RMST: variants seen among roughly 807,000 people sequenced by gnomAD.
RMST encodes long intergenic non-protein coding RNA 54.
intron 10 of RMST, among the ~76,000 whole-genome samples, chr12:97,512,378 C>T (rs185938123): frequency 7.2e-4 from 109 of 152,120 alleles, no homozygotes; most frequent in African/African-American, 2.3e-3. Context: ...GGGACCCGAG[C>T]CGGTTAACAC....
intron 10 of RMST, among the ~76,000 whole-genome samples, chr12:97,518,035 CTAA>C (rs1483952478): frequency 6.6e-6 from 1 of 151,970 alleles, no homozygotes; most frequent in African/African-American, 2.4e-5. Context: ...ATTAATTTTT[CTAA>C]TAATTATCCA....
At chr12:97,493,573 A>T (rs1383848546) in intron 7 of RMST, among the ~76,000 whole-genome samples, 1 of 152,284 alleles carries the variant, frequency 6.6e-6, no homozygotes, top group African/African-American at 2.4e-5. Flanking sequence ...AGATCCTGTG[A>T]TTTCCACGTG....
At chr12:97,564,840 A>G (rs1350368620) in exon 14 of RMST, 1 of 152,136 alleles carries the variant, frequency 6.6e-6, no homozygotes, top group Non-Finnish European at 1.5e-5. Context: ...TGTGGCCTAA[A>G]TGCCTAGGTT....
At chr12:97,495,280 T>C (rs1331218212) in intron 9 of RMST, among the ~76,000 whole-genome samples, 1 of 152,100 alleles carries the variant, frequency 6.6e-6, no homozygotes, top group Admixed American at 6.6e-5. Context: ...GACAATGGCA[T>C]ATATACTTTG....
At position 97,522,693 on chromosome 12, in the gene RMST, C is replaced by T. The variant is rs1047980582; in HGVS notation, n.1341-7962C>T. On this transcript the variant is annotated intron_variant and non_coding_transcript_variant, in intron 10 of 13. Coordinates refer to ENST00000640149, the Ensembl canonical transcript of RMST. The stretch of plus-strand genomic sequence containing the variant: ...AAAGGTAATAAAAAGATTAGAAATA[C>T]AAATGCATTTCATGTTAGTAAGGGT... 1.3e-4 allele frequency among the ~76,000 whole-genome samples: 20 copies of T among 152,094 alleles called. 1 individual carries two copies. Among genetic ancestry groups the T allele is most frequent in the African/African-American group, 4.6e-4 (19 of 41,486 alleles).
intron 10 of RMST, among the ~76,000 whole-genome samples, chr12:97,523,703 G>A (rs1281615035): frequency 1.6e-4 from 24 of 151,974 alleles, no homozygotes; most frequent in Admixed American, 9.2e-4. Flanking sequence ...TGCTACTATC[G>A]CACAGCTTGC....
chr12:97,495,721 A>C (rs1269120873), intron 9 of RMST, among the ~76,000 whole-genome samples: 1 of 152,034 alleles, frequency 6.6e-6, no homozygotes, highest in African/African-American at 2.4e-5. Context: ...ATAATTCGTG[A>C]TTTGTAAATA....
intron 13 of RMST, chr12:97,561,160 G>C (rs1472300031): frequency 6.6e-6 from 1 of 152,190 alleles, no homozygotes; most frequent in Non-Finnish European, 1.5e-5. Flanking sequence ...CAGAGCATTT[G>C]TCAGGTTGTT....
Position 97,494,239 on chromosome 12 carries a change from A to T in RMST, n.1027+237A>T, listed in dbSNP as rs534989299. Among the ~76,000 whole-genome samples, 4 of 152,282 alleles carry T rather than the reference A, an allele frequency of 2.6e-5. No individual in the cohort carries two copies. In the South Asian group the frequency reaches 6.2e-4, roughly 24 times the overall value. On this transcript the variant is annotated intron_variant and non_coding_transcript_variant, in intron 8 of 13. Coordinates refer to ENST00000640149, the Ensembl canonical transcript of RMST. ...CTTCTTCATGTGAAGTGAGATGGTAAATTGTTAATTTTTATAATGAATTTG... is the reference window on the plus strand; with the variant it reads ...CTTCTTCATGTGAAGTGAGATGGTATATTGTTAATTTTTATAATGAATTTG...
chr12:97,512,396 TC>T (rs1592713199), intron 10 of RMST, among the ~76,000 whole-genome samples: 1 of 152,210 alleles, frequency 6.6e-6, no homozygotes, highest in Non-Finnish European at 1.5e-5. Context: ...CACTGCTGGC[TC>T]CGGCAGCCTG....
At chr12:97,502,978 G>A (rs753062701) in intron 10 of RMST, among the ~76,000 whole-genome samples, 22 of 152,134 alleles carry the variant, frequency 1.4e-4, no homozygotes, top group South Asian at 4.1e-4. Flanking sequence ...TAGAGCACCT[G>A]TTTTCATGGA....
At chr12:97,554,684 A>G (rs1475387305) in intron 11 of RMST, among the ~76,000 whole-genome samples, 1 of 152,204 alleles carries the variant, frequency 6.6e-6, no homozygotes, top group Non-Finnish European at 1.5e-5. Flanking sequence ...GTTGCCAAGA[A>G]TCTAGGTGTC....
chr12:97,549,235 T>C (rs900061375), intron 11 of RMST, among the ~76,000 whole-genome samples: 39 of 152,208 alleles, frequency 2.6e-4, no homozygotes, highest in African/African-American at 9.2e-4. Flanking sequence ...AAAGAGTATG[T>C]TTTATCGTAC....
intron 7 of RMST, among the ~76,000 whole-genome samples, chr12:97,493,566 T>A (rs933286542): frequency 2.0e-5 from 3 of 152,144 alleles, no homozygotes; most frequent in African/African-American, 7.2e-5. Flanking sequence ...GTAATTCAGA[T>A]CCTGTGATTT....
At chr12:97,563,714 G>A (rs1565941583) in intron 13 of RMST, 1 of 451,482 alleles carries the variant, frequency 2.2e-6, no homozygotes, top group South Asian at 1.6e-5. Flanking sequence ...TGTCACTTAT[G>A]TGTAGTTTAA....
intron 11 of RMST, among the ~76,000 whole-genome samples, chr12:97,547,466 C>T (rs1883023009): frequency 6.6e-6 from 1 of 152,040 alleles, no homozygotes. Flanking sequence ...GAGGAATCTT[C>T]ATACTGTTTT....
At position 97,546,304 on chromosome 12, in the gene RMST, G is replaced by A. The variant is rs145870600; in HGVS notation, n.1546-14233G>A. On this transcript the variant is annotated intron_variant and non_coding_transcript_variant, in intron 11 of 13. Coordinates refer to ENST00000640149, the Ensembl canonical transcript of RMST. ...ATGTTTTAAATCAAGGAAATGGGCTGGGTGTGGTGGCTTACACCTGTAATT... is the reference window on the plus strand; with the variant it reads ...ATGTTTTAAATCAAGGAAATGGGCTAGGTGTGGTGGCTTACACCTGTAATT... Among the ~76,000 whole-genome samples, 1,404 of 152,190 alleles carry A rather than the reference G, an allele frequency of 9.2e-3. 25 individuals are homozygous for A. Among genetic ancestry groups the A allele is most frequent in the African/African-American group, 0.032 (1,315 of 41,520 alleles).
At chr12:97,507,014 C>T (rs1878763205) in intron 10 of RMST, among the ~76,000 whole-genome samples, 1 of 151,990 alleles carries the variant, frequency 6.6e-6, no homozygotes, top group African/African-American at 2.4e-5. Flanking sequence ...AAGATAACAC[C>T]TGCAAAAGTA....
At chr12:97,547,553 T>C (rs1314118252) in intron 11 of RMST, among the ~76,000 whole-genome samples, 1 of 152,098 alleles carries the variant, frequency 6.6e-6, no homozygotes, top group Non-Finnish European at 1.5e-5. Context: ...AAAACAACCC[T>C]TGTTGTCTTT....
Sources: gnomAD v4.1 joint callset for allele counts (sites outside exome capture counted in the v4.1 genomes callset) on GRCh38, gnomAD v4.1.1 for gene constraint, MANE v1.5 for transcripts, NCBI Gene and HGNC (gene_info 2026-07-23, HGNC 2026-07-21) for gene names.